CUL1: variants seen among roughly 807,000 people sequenced by gnomAD.
CUL1 encodes cullin-1.
CUL1 carries 24 observed loss-of-function variants against 118.0 expected under a neutral mutation model. The observed-to-expected ratio is 0.20, with a 90% CI of 0.15 to 0.29. The LOEUF is 0.29. Ranked by LOEUF, CUL1 falls within the 10% of genes least tolerant of loss-of-function variation. The pLI is 1.00. For missense variants in CUL1, 361 were observed against 933.8 expected, an observed-to-expected ratio of 0.39 and a Z score of 7.99; for synonymous variants, 332 against 340.4, an observed-to-expected ratio of 0.98 and a Z score of 0.27.
chr7:148,789,547 A>C (rs760085432), intron 14 of CUL1, among the ~76,000 whole-genome samples: 3 of 152,206 alleles, frequency 2.0e-5, no homozygotes, highest in Non-Finnish European at 4.4e-5. Context: ...TTGGAAGAAA[A>C]GAGTATCTGG....
chr7:148,797,793 T>C lies in CUL1; in HGVS notation c.1900-19T>C, dbSNP rs751351327. ...AATGCATTTTCCCTTTAACTTCCTC[T>C]TTTTCTCTTTAATTGCAGGACATTT... On this transcript the variant is annotated intron_variant, in intron 17 of 21. Transcript: ENST00000325222. The C allele has an allele frequency of 1.2e-6, 2 of 1,608,948 alleles. No individual in the cohort carries two copies. The highest frequency in any genetic ancestry group is 1.3e-5 in the African/African-American group (1 of 74,898).
rs114482739 is a variant in CUL1 at position 148,771,830 on chromosome 7, A to G, written c.1083+4081A>G. On this transcript the variant is annotated intron_variant, in intron 9 of 21. Coordinates refer to ENST00000325222, the MANE Select transcript of CUL1 (RefSeq NM_003592.3). Reference sequence around the variant, plus strand: ...TTGGGAATGTATCAAAAAATAGTCTATATTAAAATATAGAAGGTGATGGCC... The same window carrying G: ...TTGGGAATGTATCAAAAAATAGTCTGTATTAAAATATAGAAGGTGATGGCC... 6.6e-3 allele frequency among the ~76,000 whole-genome samples: 1,003 copies of G among 152,288 alleles called. 16 individuals carry two copies. The highest frequency in any genetic ancestry group is 0.023 in the African/African-American group (940 of 41,562).
At chr7:148,742,879 C>T (rs1799190713) in intron 2 of CUL1, among the ~76,000 whole-genome samples, 1 of 152,204 alleles carries the variant, frequency 6.6e-6, no homozygotes, top group South Asian at 2.1e-4. Flanking sequence ...GCTGGGATTA[C>T]AGGCATCAGC....
intron 2 of CUL1, among the ~76,000 whole-genome samples, chr7:148,750,744 A>G (rs1363757657): frequency 6.6e-6 from 1 of 152,196 alleles, no homozygotes; most frequent in Non-Finnish European, 1.5e-5. Flanking sequence ...TTGGAGGTGA[A>G]TGTAGCTGGT....
Position 148,783,898 on chromosome 7 carries a change from C to T in CUL1, c.1191+8C>T, listed in dbSNP as rs10271133. ...GTGGCTGCTCTTGATAAGGTAGGTG[C>T]GTGAGGGTTGTGACTTGCCTGTAGT... On this transcript the variant is annotated splice_region_variant and intron_variant, in intron 10 of 21. Transcript: ENST00000325222. 414,222 of 1,613,254 alleles carry T rather than the reference C, an allele frequency of 0.26. 64,150 individuals are homozygous for T. The highest frequency in any genetic ancestry group is 0.74 in the African/African-American group (55,149 of 74,898).
chr7:148,772,424 A>C (rs7455973), intron 9 of CUL1, among the ~76,000 whole-genome samples: 3 of 64,870 alleles, frequency 4.6e-5, no homozygotes, highest in Non-Finnish European at 8.4e-5. Context: ...CAAAAAAAAA[A>C]CAAAAAAAAA....
chr7:148,697,840 G>C (rs1797573507), upstream of CUL1: 1 of 152,204 alleles, frequency 6.6e-6, no homozygotes, highest in Non-Finnish European at 1.5e-5. Flanking sequence ...TAGTATTTAG[G>C]TTGAATATTC....
At chr7:148,786,968 T>A in intron 12 of CUL1, 21 bp from the exon 13 acceptor site, 1 of 1,601,980 alleles carries the variant, frequency 6.2e-7, no homozygotes, top group East Asian at 2.2e-5. Flanking sequence ...GTTAAGTGTG[T>A]TGTCTCGGTG....
chr7:148,711,917 G>C (rs1279949609), intron 1 of CUL1, among the ~76,000 whole-genome samples: 1 of 152,208 alleles, frequency 6.6e-6, no homozygotes, highest in Non-Finnish European at 1.5e-5. Flanking sequence ...TTGACTAAGG[G>C]CATCCTTTAC....
intron 2 of CUL1, among the ~76,000 whole-genome samples, chr7:148,749,373 G>A (rs962484962): frequency 3.3e-5 from 4 of 122,418 alleles, no homozygotes; most frequent in Admixed American, 1.1e-4. Flanking sequence ...CCAAGATTGT[G>A]CCACAGCTCT....
intron 3 of CUL1, among the ~76,000 whole-genome samples, chr7:148,756,193 T>A (rs535409116): frequency 6.6e-6 from 1 of 152,390 alleles, no homozygotes; most frequent in South Asian, 2.1e-4. Context: ...TATACTATTG[T>A]ACTTACCTTA....
chr7:148,773,794 T>C (rs1432499862), intron 9 of CUL1, among the ~76,000 whole-genome samples: 1 of 152,162 alleles, frequency 6.6e-6, no homozygotes, highest in Non-Finnish European at 1.5e-5. Flanking sequence ...AAAACCCAGC[T>C]CAAAAGTTTT....
chr7:148,786,649 G>A (rs1346043410), intron 12 of CUL1, 50 bp downstream of exon 12: 2 of 1,485,054 alleles, frequency 1.3e-6, no homozygotes, highest in Admixed American at 3.5e-5. Context: ...TATTTCACAA[G>A]CTGTTTGTAA....
At chr7:148,763,444 T>C (rs10246773) in intron 7 of CUL1, among the ~76,000 whole-genome samples, 7,400 of 152,334 alleles carry the variant, frequency 0.049, 259 homozygotes, top group Admixed American at 0.1. Flanking sequence ...GCTCTCATCC[T>C]ATAGCCTTGC....
intron 1 of CUL1, among the ~76,000 whole-genome samples, chr7:148,729,340 G>A (rs1368740334): frequency 3.9e-5 from 6 of 152,162 alleles, no homozygotes; most frequent in Admixed American, 2.6e-4. Context: ...GAGAGGTTAA[G>A]AAACTCACCC....
intron 16 of CUL1, among the ~76,000 whole-genome samples, chr7:148,791,722 C>G (rs1158712161): frequency 6.6e-6 from 1 of 152,206 alleles, no homozygotes; most frequent in African/African-American, 2.4e-5. Context: ...GTTTCTCTTT[C>G]CATTGACCAA....
At chr7:148,714,168 C>A (rs1001070742) in intron 1 of CUL1, among the ~76,000 whole-genome samples, 5 of 152,164 alleles carry the variant, frequency 3.3e-5, no homozygotes, top group African/African-American at 9.7e-5. Flanking sequence ...AATTCCCACT[C>A]CCAGCTTTAT....
At chr7:148,718,080 G>A (rs138570636) in intron 1 of CUL1, among the ~76,000 whole-genome samples, 11 of 152,238 alleles carry the variant, frequency 7.2e-5, no homozygotes, top group Non-Finnish European at 1.5e-5. Flanking sequence ...TGCTTTTAGC[G>A]CTGATACCAA....
intron 9 of CUL1, among the ~76,000 whole-genome samples, chr7:148,768,632 G>A (rs139031505): frequency 0.03 from 4,635 of 152,022 alleles, 243 homozygotes; most frequent in African/African-American, 0.11. Context: ...TGATTCGCCC[G>A]CCTTGGCCTC....
Sources: allele counts gnomAD v4.1 joint callset (sites outside exome capture counted in the v4.1 genomes callset), GRCh38; gene constraint gnomAD v4.1.1; transcripts MANE v1.5; gene names NCBI Gene and HGNC (gene_info 2026-07-23, HGNC 2026-07-21).